The following SORCS2 variants were observed in gnomAD, a reference collection of about 807,000 sequenced individuals.
SORCS2 encodes the protein sortilin related VPS10 domain containing receptor 2, also known as VPS10 domain-containing receptor SorCS2.
In SORCS2, 100 loss-of-function variants were observed where a neutral mutation model predicts 141.6. That is an observed-to-expected ratio of 0.71 (90% CI 0.60 to 0.83). SORCS2 has a LOEUF of 0.83. Among genes scored for constraint, SORCS2 ranks in the 40% least tolerant of loss-of-function variants. The pLI is 0.00. For missense variants in SORCS2, 1,646 were observed against 1,560.2 expected (o/e 1.05, Z -0.93); for synonymous variants, 789 against 676.9 (o/e 1.17, Z -2.57).
At chr4:7,627,790 C>A (rs962709634) in intron 3 of SORCS2, among the ~76,000 whole-genome samples, 3 of 152,344 alleles carry the variant, frequency 2.0e-5, no homozygotes, top group South Asian at 4.1e-4. Context: ...TAAAATAGTT[C>A]TAGATCCAGC....
intron 2 of SORCS2, among the ~76,000 whole-genome samples, chr4:7,425,317 G>A (rs529188317): frequency 3.3e-5 from 5 of 152,288 alleles, no homozygotes; most frequent in Admixed American, 6.5e-5. Context: ...CTCCACAGCC[G>A]CAGCCTGGGC....
intron 3 of SORCS2, among the ~76,000 whole-genome samples, chr4:7,547,916 T>C (rs2109619324): frequency 6.6e-6 from 1 of 152,324 alleles, no homozygotes; most frequent in South Asian, 2.1e-4. Context: ...CAATCATTAA[T>C]GAAACCCAAT....
chr4:7,628,392 G>A (rs530713065), intron 3 of SORCS2, among the ~76,000 whole-genome samples: 7 of 152,152 alleles, frequency 4.6e-5, no homozygotes, highest in Non-Finnish European at 8.8e-5. Context: ...GGTGGCGGGC[G>A]CCTGTAGTCC....
At chr4:7,521,956 G>C (rs995358755) in intron 2 of SORCS2, among the ~76,000 whole-genome samples, 1 of 152,236 alleles carries the variant, frequency 6.6e-6, no homozygotes, top group African/African-American at 2.4e-5. Flanking sequence ...GAGCACACCG[G>C]CTTCCCTTCA....
intron 1 of SORCS2, among the ~76,000 whole-genome samples, chr4:7,215,460 C>A (rs1728285083): frequency 6.6e-6 from 1 of 152,372 alleles, no homozygotes; most frequent in South Asian, 2.1e-4. Flanking sequence ...ACGAGCGCGA[C>A]CCCCTGCTCC....
chr4:7,362,745 A>G (rs1456718100), intron 1 of SORCS2, among the ~76,000 whole-genome samples: 1 of 151,708 alleles, frequency 6.6e-6, no homozygotes, highest in East Asian at 1.9e-4. Context: ...CATCATCACC[A>G]CTAACATCAC....
chr4:7,633,902 G>A (rs12498764), intron 3 of SORCS2, among the ~76,000 whole-genome samples: 35,986 of 120,552 alleles, frequency 0.3, 11,702 homozygotes, highest in African/African-American at 0.37. Context: ...TCGTAAGAAC[G>A]TTTGAAAAAC....
chr4:7,448,199 C>T (rs1008465310), intron 2 of SORCS2, among the ~76,000 whole-genome samples: 3 of 152,134 alleles, frequency 2.0e-5, no homozygotes, highest in Admixed American at 6.5e-5. Flanking sequence ...GGCCCTGTGG[C>T]GTGCAAGCAA....
chr4:7,393,978 C>T (rs559254041), intron 1 of SORCS2, among the ~76,000 whole-genome samples: 11 of 152,106 alleles, frequency 7.2e-5, no homozygotes, highest in African/African-American at 1.2e-4. Context: ...CGAGTCAGGG[C>T]GTGGTGGGGC....
rs185113166 is a variant in SORCS2, at chr4:7,205,985, G to A, written c.480+12859G>A. On this transcript the variant is annotated intron_variant, in intron 1 of 26. Transcript: ENST00000507866. The stretch of plus-strand genomic sequence containing the variant: ...TGCTTGAACCTGGGATGTGGAGGTT[G>A]CAGTGAGCTGAGATCACGCCACTGC... 1.2e-4 allele frequency among the ~76,000 whole-genome samples: 18 copies of A among 152,336 alleles called. No individual in the cohort carries two copies. In the East Asian group the frequency reaches 2.7e-3, roughly 23 times the overall value.
intron 1 of SORCS2, among the ~76,000 whole-genome samples, chr4:7,335,182 C>T (rs747823211): frequency 5.3e-5 from 8 of 152,278 alleles, no homozygotes; most frequent in Non-Finnish European, 7.3e-5. Flanking sequence ...TATCCTCGTC[C>T]GGGGCACACG....
rs536645076 is a variant in SORCS2 at position 7,708,596 on chromosome 4, G to A, written c.1869-4137G>A. On this transcript the variant is annotated intron_variant, in intron 14 of 26. Coordinates refer to ENST00000507866, the MANE Select transcript of SORCS2 (RefSeq NM_020777.3). The stretch of plus-strand genomic sequence containing the variant: ...CTTCCCCTCCCACAGTCTGGGGGGC[G>A]TCTTCCCCTTCCTGGACCCTCTGCC... 3.9e-5 allele frequency among the ~76,000 whole-genome samples: 6 copies of A among 152,278 alleles called. No homozygotes were observed. In the East Asian group the frequency reaches 5.8e-4, roughly 15 times the overall value.
At chr4:7,596,054 C>T (rs1350464526) in intron 3 of SORCS2, among the ~76,000 whole-genome samples, 2 of 152,162 alleles carry the variant, frequency 1.3e-5, no homozygotes, top group African/African-American at 2.4e-5. Flanking sequence ...TTCTAGCTGG[C>T]GTGAGGCAGC....
intron 1 of SORCS2, among the ~76,000 whole-genome samples, chr4:7,261,908 C>T (rs750334558): frequency 3.9e-5 from 6 of 152,144 alleles, no homozygotes; most frequent in Non-Finnish European, 8.8e-5. Context: ...TGATTTGTGT[C>T]GACTGGGAAA....
chr4:7,460,082 C>G (rs1337410402), intron 2 of SORCS2: 1 of 77,376 alleles, frequency 1.3e-5, no homozygotes, highest in African/African-American at 5.9e-5. Context: ...TCTACCTTGT[C>G]AGGTGACCCA....
At chr4:7,492,454 C>T (rs1366068229) in intron 2 of SORCS2, among the ~76,000 whole-genome samples, 1 of 152,218 alleles carries the variant, frequency 6.6e-6, no homozygotes, top group Non-Finnish European at 1.5e-5. Context: ...GTGGATACAC[C>T]AGGGTTCTTC....
chr4:7,494,272 C>T (rs746803811), intron 2 of SORCS2, among the ~76,000 whole-genome samples: 3 of 152,196 alleles, frequency 2.0e-5, no homozygotes, highest in Admixed American at 6.5e-5. Context: ...AGTGACTGAT[C>T]GAGCTGTTTC....
chr4:7,634,050 C>T (rs987662488), intron 3 of SORCS2, among the ~76,000 whole-genome samples: 1 of 119,618 alleles, frequency 8.4e-6, no homozygotes, highest in Non-Finnish European at 1.9e-5. Context: ...CCTGGTTATC[C>T]AGGGAATCCA....
At chr4:7,580,459 C>T (rs796259213) in intron 3 of SORCS2, among the ~76,000 whole-genome samples, 2 of 151,882 alleles carry the variant, frequency 1.3e-5, no homozygotes, top group African/African-American at 4.8e-5. Context: ...CACCACACTC[C>T]AGCCTATGTG....
Sources: gnomAD v4.1 joint callset for allele counts (sites outside exome capture counted in the v4.1 genomes callset) on GRCh38, gnomAD v4.1.1 for gene constraint, MANE v1.5 for transcripts, NCBI Gene and HGNC (gene_info 2026-07-23, HGNC 2026-07-21) for gene names.